Variants in RBFOX1 observed in about 807,000 individuals in gnomAD.
RBFOX1 encodes RNA binding fox-1 homolog 1.
Under a neutral mutation model 57.7 loss-of-function variants are expected in RBFOX1, and 8 were observed. The ratio of observed to expected loss-of-function variants is 0.14; its 90% CI spans 0.08 to 0.25. The LOEUF is 0.25. Among genes scored for constraint, RBFOX1 ranks in the 10% least tolerant of loss-of-function variants. The probability of loss-of-function intolerance (pLI) is 1.00; values close to 1 mark genes in which losing one functional copy is unlikely to be tolerated. For missense variants in RBFOX1, 611 were observed against 548.5 expected, an observed-to-expected ratio of 1.11 and a Z score of -1.14; for synonymous variants, 326 against 222.4, an observed-to-expected ratio of 1.47 and a Z score of -4.15.
At chr16:5,654,836 C>T (rs527688732) in intron 3 of RBFOX1, among the ~76,000 whole-genome samples, 1 of 152,222 alleles carries the variant, frequency 6.6e-6, no homozygotes, top group South Asian at 2.1e-4. Flanking sequence ...CTCTCTCCTT[C>T]CCTCGTGGCT....
intron 1 of RBFOX1, among the ~76,000 whole-genome samples, chr16:5,265,042 G>C (rs2062824951): frequency 6.6e-6 from 1 of 151,648 alleles, no homozygotes; most frequent in Non-Finnish European, 1.5e-5. Flanking sequence ...GTTTAAAAAA[G>C]TTCCTTCTTA....
intron 3 of RBFOX1, among the ~76,000 whole-genome samples, chr16:6,815,387 A>G (rs1284779989): frequency 6.6e-6 from 1 of 152,172 alleles, no homozygotes. Flanking sequence ...AATGCAGCCC[A>G]GTAGATCTCA....
chr16:6,955,585 A>T (rs1400605775), intron 3 of RBFOX1, among the ~76,000 whole-genome samples: 3 of 152,184 alleles, frequency 2.0e-5, no homozygotes, highest in Non-Finnish European at 4.4e-5. Context: ...TATTGGTTTT[A>T]TATGCTGGTG....
At chr16:7,071,575 A>G (rs527267025) in intron 4 of RBFOX1, among the ~76,000 whole-genome samples, 70 of 138,468 alleles carry the variant, frequency 5.1e-4, no homozygotes, top group African/African-American at 1.8e-3. Context: ...CCCAACACTA[A>G]TTTGCCCAGA....
chr16:6,863,451 G>C (rs1487134936), intron 3 of RBFOX1, among the ~76,000 whole-genome samples: 2 of 151,986 alleles, frequency 1.3e-5, no homozygotes, highest in Non-Finnish European at 2.9e-5. Flanking sequence ...AGCAAGTTTT[G>C]CCTTCTGCTA....
At chr16:6,274,234 C>G (rs543979124) in intron 1 of RBFOX1, among the ~76,000 whole-genome samples, 4 of 152,262 alleles carry the variant, frequency 2.6e-5, no homozygotes, top group East Asian at 1.9e-4. Context: ...CATGTTCACA[C>G]AAAACCTGTT....
chr16:6,324,126 C>A (rs1276929823), intron 2 of RBFOX1, among the ~76,000 whole-genome samples: 1 of 152,136 alleles, frequency 6.6e-6, no homozygotes. Context: ...TAAGTAATTT[C>A]TCATCCCTCA....
At position 5,563,725 on chromosome 16, in the gene RBFOX1, A is replaced by G. The variant is rs557281718; in HGVS notation, c.259-35177A>G. ...TACAATTCCTCCATTTAAGGTGTAC[A>G]ATTCAGTGGCTTCTCATATATTCAC... On this transcript the variant is annotated intron_variant, in intron 2 of 2. Coordinates refer to the RBFOX1 transcript ENST00000585867. Among the ~76,000 whole-genome samples the G allele has an allele frequency of 7.2e-5, 11 of 152,294 alleles. No homozygotes were observed. The East Asian group carries it at 2.1e-3, about 30-fold the overall frequency.
At position 5,760,407 on chromosome 16, in the gene RBFOX1, C is replaced by T. The variant is rs561944628; in HGVS notation, c.319-106896C>T. ...ATACATATACATACACACACACATA[C>T]ATATATACCCCCAAAGAATTGTAAG... On this transcript the variant is annotated intron_variant, in intron 3 of 19. Transcript: ENST00000641259. Among the ~76,000 whole-genome samples the T allele has an allele frequency of 8.0e-4, 122 of 152,212 alleles. 1 individual carries two copies. Among genetic ancestry groups the T allele is most frequent in the African/African-American group, 2.7e-3 (113 of 41,530 alleles).
At chr16:7,096,400 C>A (rs552539922) in intron 4 of RBFOX1, among the ~76,000 whole-genome samples, 19 of 152,250 alleles carry the variant, frequency 1.2e-4, no homozygotes, top group African/African-American at 4.3e-4. Flanking sequence ...TGTCCCCCAG[C>A]AGGATGTCTG....
intron 3 of RBFOX1, among the ~76,000 whole-genome samples, chr16:6,724,296 GCCT>G (rs1218758699): frequency 6.9e-6 from 1 of 145,692 alleles, no homozygotes; most frequent in African/African-American, 2.6e-5. Context: ...TGTAACCTCT[GCCT>G]CCTGGCTTCA....
At chr16:5,789,821 C>G (rs1387480055) in intron 3 of RBFOX1, among the ~76,000 whole-genome samples, 1 of 152,174 alleles carries the variant, frequency 6.6e-6, no homozygotes, top group Non-Finnish European at 1.5e-5. Context: ...GCCAGGCCAA[C>G]CTTCCTGAAT....
chr16:6,450,817 A>ATGTG (rs1567303431), intron 2 of RBFOX1, among the ~76,000 whole-genome samples: 2 of 10,812 alleles, frequency 1.8e-4, no homozygotes, highest in African/African-American at 6.5e-4. Context: ...ATATATATAT[A>ATGTG]CATATATATA....
rs182489253 is a variant in RBFOX1 at position 6,085,364 on chromosome 16, G to C, written c.-127+65372G>C. Among the ~76,000 whole-genome samples, 113 of 152,238 alleles carry C rather than the reference G, an allele frequency of 7.4e-4. 3 individuals carry two copies. The East Asian group carries it at 0.02, about 27-fold the overall frequency. On this transcript the variant is annotated intron_variant, in intron 1 of 15. Coordinates refer to ENST00000550418, the MANE Select transcript of RBFOX1 (RefSeq NM_018723.4). The stretch of plus-strand genomic sequence containing the variant: ...CTTGGCTCACTGCAACCTCTGCCTA[G>C]CGGGTTCAAGCGATTCTCCTGCCTC...
At chr16:6,429,198 A>T (rs2094010065) in intron 2 of RBFOX1, among the ~76,000 whole-genome samples, 1 of 152,204 alleles carries the variant, frequency 6.6e-6, no homozygotes, top group African/African-American at 2.4e-5. Flanking sequence ...CAAGTTCCAA[A>T]TGTTTGAAAT....
At chr16:7,540,342 A>G (rs749831573) in intron 5 of RBFOX1, among the ~76,000 whole-genome samples, 3 of 152,220 alleles carry the variant, frequency 2.0e-5, no homozygotes, top group Non-Finnish European at 4.4e-5. Flanking sequence ...CATGTCGGCA[A>G]TGTGGCTGAG....
At position 6,068,068 on chromosome 16, in the gene RBFOX1, C is replaced by A. The variant is rs556259316; in HGVS notation, c.-127+48076C>A. Among the ~76,000 whole-genome samples, 3 of 150,398 alleles carry A rather than the reference C, an allele frequency of 2.0e-5. No homozygotes were observed. The Admixed American group carries it at 2.0e-4, about 10-fold the overall frequency. ...TCTCAGAGTTCTGTTTAATTGCCTG[C>A]AATCTTTTTGATATTAGGCTCTTCA... On this transcript the variant is annotated intron_variant, in intron 1 of 15. Coordinates refer to ENST00000550418, the MANE Select transcript of RBFOX1 (RefSeq NM_018723.4).
At chr16:6,489,751 T>A (rs1219298613) in intron 2 of RBFOX1, among the ~76,000 whole-genome samples, 1 of 152,180 alleles carries the variant, frequency 6.6e-6, no homozygotes. Flanking sequence ...ATTTAAATAC[T>A]CCTGCAGATG....
intron 1 of RBFOX1, among the ~76,000 whole-genome samples, chr16:6,078,308 G>A (rs147567172): frequency 3.5e-4 from 53 of 152,280 alleles, no homozygotes; most frequent in African/African-American, 1.2e-3. Context: ...AGCTTCTCCA[G>A]CCCATGTCCC....
Sources: gnomAD v4.1 joint callset for allele counts (sites outside exome capture counted in the v4.1 genomes callset) on GRCh38, gnomAD v4.1.1 for gene constraint, MANE v1.5 for transcripts, NCBI Gene and HGNC (gene_info 2026-07-23, HGNC 2026-07-21) for gene names.